ASPRV1: variants seen among roughly 807,000 people sequenced by gnomAD.
ASPRV1 encodes retroviral-like aspartic protease 1.
A neutral mutation model predicts 11.0 loss-of-function variants in ASPRV1; 7 were observed. That is an observed-to-expected ratio of 0.64 (90% CI 0.36 to 1.20). The LOEUF (loss-of-function observed/expected upper bound fraction) is 1.20, where lower values mean the gene tolerates loss of function less well. ASPRV1 is among the 50% of genes most tolerant of loss of function. The pLI, the probability that ASPRV1 is intolerant of heterozygous loss-of-function variation, is 0.02. For synonymous variants in ASPRV1, 136 were observed against 138.4 expected (o/e 0.98, Z 0.12); for missense variants, 299 against 320.0 (o/e 0.93, Z 0.50).
downstream of ASPRV1, among the ~76,000 whole-genome samples, chr2:69,958,708 C>T (rs1677995106): frequency 6.6e-6 from 1 of 152,174 alleles, no homozygotes; most frequent in African/African-American, 2.4e-5. Context: ...CATGAGAGAG[C>T]AGCATGCGTT....
At chr2:69,998,431 T>C in the ASPRV1 span, among the ~76,000 whole-genome samples, 1 of 152,006 alleles carries the variant, frequency 6.6e-6, no homozygotes, top group Non-Finnish European at 1.5e-5. Flanking sequence ...GCCATAAAAA[T>C]GCCAGCAACT....
At chr2:69,952,952 A>G in the ASPRV1 span, among the ~76,000 whole-genome samples, 1 of 152,178 alleles carries the variant, frequency 6.6e-6, no homozygotes, top group African/African-American at 2.4e-5. Flanking sequence ...TTCAGCCCGT[A>G]CCAGGGCAGC....
At chr2:69,981,386 A>C in the ASPRV1 span, among the ~76,000 whole-genome samples, 1 of 152,230 alleles carries the variant, frequency 6.6e-6, no homozygotes, top group Non-Finnish European at 1.5e-5. Context: ...TAGGACACAA[A>C]ACTAGATACA....
At chr2:70,061,799 A>AAT in the ASPRV1 span, among the ~76,000 whole-genome samples, 1 of 151,510 alleles carries the variant, frequency 6.6e-6, no homozygotes, top group South Asian at 2.1e-4. Context: ...AAATACAAAA[A>AAT]TAAAAACAAA....
At chr2:69,999,136 C>A in the ASPRV1 span, among the ~76,000 whole-genome samples, 1 of 152,114 alleles carries the variant, frequency 6.6e-6, no homozygotes, top group Non-Finnish European at 1.5e-5. Flanking sequence ...CACTACGTAG[C>A]CCAGGCTGGA....
chr2:70,017,535 A>G, the ASPRV1 span, among the ~76,000 whole-genome samples: 1 of 152,052 alleles, frequency 6.6e-6, no homozygotes, highest in African/African-American at 2.4e-5. Context: ...AATCCTAGCC[A>G]GAACAATTAG....
rs1183664411 is a variant in ASPRV1 at position 69,961,086 on chromosome 2, C to T, written c.351G>A (p.Lys117=). 6.2e-7 allele frequency: 1 copy of T among 1,613,798 alleles called. No homozygotes were observed. Among genetic ancestry groups the T allele is most frequent in the Non-Finnish European group, 8.5e-7 (1 of 1,179,888 alleles). ...GGAACCTCACGGGCACTTTGCCAAT[C>T]TTCCCCTTGAGATAGTAGCCCTTAC... ...SMGKGYYLKG[K]IGKVPVRFLV... Residue 117 remains lysine, a synonymous_variant, in exon 1 of 1, where the codon AAG becomes AAA. Coordinates refer to ENST00000320256, the MANE Select transcript of ASPRV1 (RefSeq NM_152792.4).
the ASPRV1 span, among the ~76,000 whole-genome samples, chr2:70,026,150 C>G: frequency 6.6e-6 from 1 of 152,154 alleles, no homozygotes; most frequent in Non-Finnish European, 1.5e-5. Flanking sequence ...GAAACCTTGT[C>G]TCTACTAAAA....
At chr2:70,028,024 G>A in the ASPRV1 span, among the ~76,000 whole-genome samples, 3 of 152,148 alleles carry the variant, frequency 2.0e-5, no homozygotes, top group African/African-American at 4.8e-5. Context: ...CCCAGTCCAG[G>A]GTACTGTAAT....
chr2:70,021,803 T>C, the ASPRV1 span, among the ~76,000 whole-genome samples: 1 of 151,278 alleles, frequency 6.6e-6, no homozygotes. Flanking sequence ...CCCGGGTTCA[T>C]GCGATTCTCC....
the ASPRV1 span, among the ~76,000 whole-genome samples, chr2:70,058,891 T>C: frequency 7.0e-6 from 1 of 142,720 alleles, no homozygotes; most frequent in Non-Finnish European, 1.5e-5. Flanking sequence ...ACTTTTTTTT[T>C]TTTTTTTTTT....
the ASPRV1 span, among the ~76,000 whole-genome samples, chr2:69,974,532 C>T: frequency 6.6e-6 from 1 of 152,170 alleles, no homozygotes; most frequent in African/African-American, 2.4e-5. Context: ...GATCTGAGCA[C>T]ACCTGGATCT....
upstream of ASPRV1, among the ~76,000 whole-genome samples, chr2:69,966,185 T>C (rs1019795855): frequency 6.6e-6 from 1 of 152,240 alleles, no homozygotes; most frequent in African/African-American, 2.4e-5. Flanking sequence ...TCAGACCAAG[T>C]TGCTGACTAA....
chr2:70,051,585 C>G, the ASPRV1 span, among the ~76,000 whole-genome samples: 1 of 152,074 alleles, frequency 6.6e-6, no homozygotes, highest in Non-Finnish European at 1.5e-5. Flanking sequence ...AATAAGTATA[C>G]CAAATGTCCA....
chr2:69,961,656 T>C (rs143679726), upstream of ASPRV1: 2 of 1,569,300 alleles, frequency 1.3e-6, no homozygotes, highest in African/African-American at 2.7e-5. Context: ...GCAGAGCCTT[T>C]TTGATGCCTA....
rs931573671 is a variant in ASPRV1 at position 69,960,214 on chromosome 2, G to A, written c.*443C>T. The A allele has an allele frequency of 3.0e-5, 5 of 168,000 alleles. No homozygotes were observed. The highest frequency in any genetic ancestry group is 1.2e-4 in the African/African-American group (5 of 41,928). 10.4% of individuals were successfully genotyped at this position (168,000 alleles called of 1,614,324 possible). A position where few individuals can be genotyped will look rare whatever the true frequency, so the allele number is the denominator to read the frequency against. Reference sequence around the variant, plus strand: ...TACAGGTGGAAAGGCTCTTCAGGGAGGTGTCCCAGAGCAACTGTGACCCTC... The same window carrying A: ...TACAGGTGGAAAGGCTCTTCAGGGAAGTGTCCCAGAGCAACTGTGACCCTC... On this transcript the variant is annotated 3_prime_UTR_variant, in exon 1 of 1. Coordinates refer to ENST00000320256, the MANE Select transcript of ASPRV1 (RefSeq NM_152792.4).
the ASPRV1 span, among the ~76,000 whole-genome samples, chr2:69,990,973 C>T: frequency 2.0e-5 from 3 of 152,280 alleles, no homozygotes; most frequent in Non-Finnish European, 2.9e-5. Context: ...CGCACCACAC[C>T]GGCACTCATC....
the ASPRV1 span, among the ~76,000 whole-genome samples, chr2:69,999,775 T>G: frequency 1.1e-4 from 17 of 151,696 alleles, no homozygotes; most frequent in Non-Finnish European, 1.9e-4. Context: ...TCACGATCTC[T>G]GCACCCCACC....
the ASPRV1 span, among the ~76,000 whole-genome samples, chr2:69,953,340 T>C: frequency 6.6e-6 from 1 of 152,180 alleles, no homozygotes; most frequent in African/African-American, 2.4e-5. Flanking sequence ...CACACACCTC[T>C]CAGCAGCCTC....
Sources: allele counts gnomAD v4.1 joint callset (sites outside exome capture counted in the v4.1 genomes callset), GRCh38; gene constraint gnomAD v4.1.1; transcripts MANE v1.5; gene names NCBI Gene and HGNC (gene_info 2026-07-23, HGNC 2026-07-21).